Variants in ZNF578 observed in about 807,000 individuals in gnomAD.
The protein encoded by ZNF578 is zinc finger protein 578, also known as Putative chemokine-related protein B42.
ZNF578 carries 8 observed loss-of-function variants against 8.3 expected under a neutral mutation model. The ratio of observed to expected loss-of-function variants is 0.96; its 90% CI spans 0.56 to 1.74. The LOEUF is 1.74. Ranked by LOEUF, ZNF578 falls within the 40% of genes most tolerant of loss-of-function variation. The pLI, the probability that ZNF578 is intolerant of heterozygous loss-of-function variation, is 0.00. For synonymous variants in ZNF578, 206 were observed against 232.2 expected, an observed-to-expected ratio of 0.89 and a Z score of 1.03; for missense variants, 726 against 707.5, an observed-to-expected ratio of 1.03 and a Z score of -0.30.
chr19:52,494,367 T>TGC (rs1433690925), intron 3 of ZNF578, among the ~76,000 whole-genome samples: 7 of 152,094 alleles, frequency 4.6e-5, no homozygotes, highest in African/African-American at 1.4e-4. Context: ...CATGATAGTG[T>TGC]AGACCTGTAA....
At chr19:52,498,329 G>GTATTT (rs1397689603) in intron 3 of ZNF578, among the ~76,000 whole-genome samples, 1 of 113,738 alleles carries the variant, frequency 8.8e-6, no homozygotes, top group African/African-American at 3.7e-5. Context: ...GCTAATGTGT[G>GTATTT]TTTTTTTTTT....
intron 2 of ZNF578, among the ~76,000 whole-genome samples, chr19:52,471,535 T>C (rs1225972149): frequency 6.6e-6 from 1 of 152,024 alleles, no homozygotes; most frequent in Non-Finnish European, 1.5e-5. Flanking sequence ...GAGTGCCCCC[T>C]CCTTTTGCAC....
At position 52,511,259 on chromosome 19, in the gene ZNF578, GA is replaced by G. The variant is rs756185990; in HGVS notation, c.881del (p.Lys294SerfsTer9). ...SEKPYKCNEC[G>X]KSFSYKSSLT... ...AAACCTTACAAGTGTAATGAATGTG[GA>G]AAGTCCTTCAGTTACAAGTCATCCC... On this transcript the variant is annotated frameshift_variant, in exon 6 of 6. Coordinates refer to ENST00000421239, the MANE Select transcript of ZNF578 (RefSeq NM_001099694.2). LOFTEE classifies it low-confidence loss of function (END_TRUNC). The G allele has an allele frequency of 1.2e-6, 2 of 1,614,128 alleles. No individual in the cohort carries two copies. The highest frequency in any genetic ancestry group is 2.7e-5 in the African/African-American group (2 of 75,048).
intron 2 of ZNF578, among the ~76,000 whole-genome samples, chr19:52,467,764 A>G (rs570942823): frequency 6.6e-6 from 1 of 152,240 alleles, no homozygotes; most frequent in African/African-American, 2.4e-5. Context: ...ATTGATATAC[A>G]ACATTAATAC....
chr19:52,472,299 C>G (rs1433381632), intron 2 of ZNF578, among the ~76,000 whole-genome samples: 1 of 152,180 alleles, frequency 6.6e-6, no homozygotes, highest in Non-Finnish European at 1.5e-5. Context: ...TAACATGATT[C>G]ATTCATACTT....
At position 52,513,712 on chromosome 19, in the gene ZNF578, A is replaced by T. The variant is rs2059460321; in HGVS notation, c.*1558A>T. 7.1e-6 allele frequency among the ~76,000 whole-genome samples: 1 copy of T among 141,818 alleles called. No homozygotes were observed. The highest frequency in any genetic ancestry group is 2.7e-5 in the African/African-American group (1 of 37,704). The allele number at this position is 141,818 out of a possible 152,430, so 93.0% of individuals were successfully genotyped here. On this transcript the variant is annotated 3_prime_UTR_variant, in exon 6 of 6. Transcript: ENST00000421239. ...GCCACTGCACTCCAGGCTGGGCGACAGAGTGAGAGTCTGTCTCAAAAAAAA... is the reference window on the plus strand; with the variant it reads ...GCCACTGCACTCCAGGCTGGGCGACTGAGTGAGAGTCTGTCTCAAAAAAAA...
chr19:52,459,713 A>ATGTGTGTATATATG (rs1187045005), intron 2 of ZNF578, among the ~76,000 whole-genome samples: 805 of 18,200 alleles, frequency 0.044, 84 homozygotes, highest in African/African-American at 0.062. Flanking sequence ...ATATGTAGAT[A>ATGTGTGTATATATG]TGTGTGTGTG....
intron 2 of ZNF578, chr19:52,474,538 T>C (rs762884193): frequency 3.7e-5 from 11 of 298,484 alleles, no homozygotes; most frequent in African/African-American, 6.7e-5. Context: ...AAAGACCTTG[T>C]AACATTCATT....
intron 2 of ZNF578, among the ~76,000 whole-genome samples, chr19:52,465,277 C>T (rs1442688684): frequency 1.3e-5 from 2 of 152,124 alleles, no homozygotes; most frequent in Non-Finnish European, 2.9e-5. Context: ...CGGGCTCCCT[C>T]CCCCACCACT....
At chr19:52,473,802 A>G (rs2059299570) in intron 2 of ZNF578, 3 of 314,928 alleles carry the variant, frequency 9.5e-6, no homozygotes, top group East Asian at 1.5e-4. Context: ...TCTTTGGCAC[A>G]TTTATTGCAT....
chr19:52,497,189 T>A (rs546191449), intron 3 of ZNF578, among the ~76,000 whole-genome samples: 3 of 152,216 alleles, frequency 2.0e-5, no homozygotes, highest in Non-Finnish European at 4.4e-5. Flanking sequence ...AACCTCCGCC[T>A]CCCAGGGTCA....
chr19:52,479,542 CAAAAAA>C (rs34862610), intron 2 of ZNF578, among the ~76,000 whole-genome samples: 5 of 64,256 alleles, frequency 7.8e-5, no homozygotes, highest in South Asian at 5.5e-4. Flanking sequence ...GACTCCATCT[CAAAAAA>C]AAAAAAAAAA....
chr19:52,490,777 A>G (rs933118998), intron 2 of ZNF578, among the ~76,000 whole-genome samples: 12 of 151,962 alleles, frequency 7.9e-5, no homozygotes, highest in African/African-American at 2.4e-4. Flanking sequence ...AGCTGGGACT[A>G]CAGGTGACCG....
intron 3 of ZNF578, among the ~76,000 whole-genome samples, chr19:52,500,108 T>C (rs1599908701): frequency 3.3e-5 from 5 of 152,296 alleles, no homozygotes; most frequent in African/African-American, 1.2e-4. Context: ...TATCATCTTC[T>C]CCGGGTCTCC....
intron 2 of ZNF578, among the ~76,000 whole-genome samples, chr19:52,482,093 G>A (rs2059328525): frequency 6.6e-6 from 1 of 152,160 alleles, no homozygotes; most frequent in Non-Finnish European, 1.5e-5. Flanking sequence ...GAGTGCAATG[G>A]TATGATCTCA....
chr19:52,494,409 A>AGC (rs2059378513), intron 3 of ZNF578, among the ~76,000 whole-genome samples: 1 of 152,180 alleles, frequency 6.6e-6, no homozygotes. Context: ...AGGCTGGAGG[A>AGC]TCACTTGAGC....
rs367630960 is a variant in ZNF578 at position 52,457,988 on chromosome 19, C to T, written c.-122+1030C>T. The T allele has an allele frequency of 1.6e-4, 24 of 154,572 alleles. No individual in the cohort carries two copies. In the East Asian group the frequency reaches 2.1e-3, roughly 14 times the overall value. The allele number at this position is 154,572 out of a possible 1,614,324, so 9.6% of individuals were successfully genotyped here. ...GCTTATACCCAGACATGGATGGAGA[C>T]GGGGTGTGGGCCCCATGGTGTCACT... On this transcript the variant is annotated intron_variant, in intron 2 of 5. Transcript: ENST00000421239.
chr19:52,473,747 A>G (rs1896641), intron 2 of ZNF578: 279,020 of 289,304 alleles, frequency 0.96, 134,996 homozygotes, highest in African/African-American at 0.99. Flanking sequence ...TTTCCTTCCA[A>G]TGTGGATTAA....
At chr19:52,478,694 A>C (rs889580195) in intron 2 of ZNF578, among the ~76,000 whole-genome samples, 1 of 152,082 alleles carries the variant, frequency 6.6e-6, no homozygotes, top group African/African-American at 2.4e-5. Flanking sequence ...CTGCTTGATG[A>C]GCCCATTTTA....
Sources: allele counts gnomAD v4.1 joint callset (sites outside exome capture counted in the v4.1 genomes callset), GRCh38; gene constraint gnomAD v4.1.1; transcripts MANE v1.5; gene names NCBI Gene and HGNC (gene_info 2026-07-23, HGNC 2026-07-21).